SNX24: variants seen among roughly 807,000 people sequenced by gnomAD.
The protein encoded by SNX24 is sorting nexin 24, also known as sorting nexin-24.
A neutral mutation model predicts 28.7 loss-of-function variants in SNX24; 22 were observed. That is an observed-to-expected ratio of 0.77 (90% CI 0.55 to 1.10). The LOEUF is 1.10. Among genes scored for constraint, SNX24 ranks in the 50% least tolerant of loss-of-function variants. The pLI, the probability that SNX24 is intolerant of heterozygous loss-of-function variation, is 0.00. For missense variants in SNX24, 221 were observed against 201.1 expected (o/e 1.10, Z -0.60); for synonymous variants, 69 against 71.5 (o/e 0.96, Z 0.18).
chr5:122,898,008 CT>C (rs1233532890), intron 1 of SNX24, among the ~76,000 whole-genome samples: 4 of 152,142 alleles, frequency 2.6e-5, no homozygotes, highest in African/African-American at 9.7e-5. Context: ...AAAATGCTTT[CT>C]TCAGTTGAGC....
chr5:123,013,327 G>A (rs1762625170), downstream of SNX24, among the ~76,000 whole-genome samples: 1 of 152,174 alleles, frequency 6.6e-6, no homozygotes, highest in Admixed American at 6.5e-5. Flanking sequence ...TAATGAATTG[G>A]ACATAAAGTT....
At chr5:122,866,913 C>T (rs1330777730) in intron 1 of SNX24, among the ~76,000 whole-genome samples, 1 of 152,252 alleles carries the variant, frequency 6.6e-6, no homozygotes, top group East Asian at 1.9e-4. Flanking sequence ...GAACTATGAC[C>T]TCTAGGCCAG....
chr5:122,958,249 CAA>C (rs61574477), intron 3 of SNX24, among the ~76,000 whole-genome samples: 7 of 150,426 alleles, frequency 4.7e-5, no homozygotes, highest in Admixed American at 2.6e-4. Flanking sequence ...TTGAATTTTG[CAA>C]AAAAAAAATT....
intron 3 of SNX24, among the ~76,000 whole-genome samples, chr5:122,965,889 C>T (rs1319793340): frequency 6.6e-6 from 1 of 152,152 alleles, no homozygotes; most frequent in Non-Finnish European, 1.5e-5. Context: ...GATAAATAAG[C>T]TATCAAAGAG....
At chr5:123,003,796 G>C (rs1762328138) in intron 6 of SNX24, among the ~76,000 whole-genome samples, 1 of 152,164 alleles carries the variant, frequency 6.6e-6, no homozygotes, top group African/African-American at 2.4e-5. Context: ...TTGGTAGCAT[G>C]GTAATATGGA....
chr5:122,913,810 C>T (rs1285590431), intron 1 of SNX24, among the ~76,000 whole-genome samples: 1 of 152,194 alleles, frequency 6.6e-6, no homozygotes, highest in African/African-American at 2.4e-5. Flanking sequence ...TGCACTCCAA[C>T]CTGGGCACCA....
intron 3 of SNX24, among the ~76,000 whole-genome samples, chr5:122,954,973 C>T (rs1365518773): frequency 6.6e-6 from 1 of 152,068 alleles, no homozygotes. Context: ...CTTCTTCTTT[C>T]TCCTCTTATT....
chr5:123,000,107 G>A lies in SNX24; in HGVS notation c.344+101G>A, dbSNP rs531281406. The A allele has an allele frequency of 3.7e-6, 3 of 805,820 alleles. No homozygotes were observed. In the African/African-American group the frequency reaches 5.1e-5, roughly 14 times the overall value. 49.9% of individuals were successfully genotyped at this position (805,820 alleles called of 1,614,324 possible). On this transcript the variant is annotated intron_variant, in intron 4 of 6. Transcript: ENST00000261369. Reference sequence around the variant, plus strand: ...AGAGTGATGCCCGAGTAGCCTGCCGGCCACGCCCACTCTTTTGGCTTGCTG... The same window carrying A: ...AGAGTGATGCCCGAGTAGCCTGCCGACCACGCCCACTCTTTTGGCTTGCTG...
intron 1 of SNX24, among the ~76,000 whole-genome samples, chr5:122,911,507 C>A: frequency 6.6e-6 from 1 of 151,024 alleles, no homozygotes; most frequent in Admixed American, 6.6e-5. Flanking sequence ...GCTTTTGTTG[C>A]CATTGCTTTT....
intron 3 of SNX24, among the ~76,000 whole-genome samples, chr5:122,983,608 T>C (rs1160920250): frequency 6.6e-6 from 1 of 152,086 alleles, no homozygotes; most frequent in Non-Finnish European, 1.5e-5. Context: ...TAGTGAAAAA[T>C]TTTTGTTGTT....
intron 1 of SNX24, among the ~76,000 whole-genome samples, chr5:122,932,854 G>C (rs1759016990): frequency 1.7e-5 from 1 of 57,460 alleles, no homozygotes; most frequent in Non-Finnish European, 2.7e-5. Flanking sequence ...GCAAGACTCT[G>C]TCTCAAAAAA....
intron 3 of SNX24, among the ~76,000 whole-genome samples, chr5:122,985,232 C>T (rs996046134): frequency 6.6e-6 from 1 of 152,086 alleles, no homozygotes; most frequent in Non-Finnish European, 1.5e-5. Flanking sequence ...CACAGCATGA[C>T]CTTTCACCAG....
chr5:122,925,878 A>C (rs384483), intron 1 of SNX24, among the ~76,000 whole-genome samples: 117,131 of 152,088 alleles, frequency 0.77, 45,980 homozygotes, highest in East Asian at 0.99. Flanking sequence ...GGCAGTGAGG[A>C]TGTTAACAGT....
At chr5:123,015,026 T>C (rs143835957) in intron 5 of SNX24, among the ~76,000 whole-genome samples, 4 of 152,334 alleles carry the variant, frequency 2.6e-5, no homozygotes, top group Non-Finnish European at 5.9e-5. Flanking sequence ...TCCATACCAT[T>C]ATTCTATTGT....
At chr5:122,889,685 A>T (rs1483354096) in intron 1 of SNX24, among the ~76,000 whole-genome samples, 2 of 142,992 alleles carry the variant, frequency 1.4e-5, no homozygotes, top group South Asian at 2.2e-4. Context: ...GTGTATATAT[A>T]TGTATATGTA....
At chr5:122,959,450 G>T (rs1398025324) in intron 3 of SNX24, among the ~76,000 whole-genome samples, 2 of 151,424 alleles carry the variant, frequency 1.3e-5, no homozygotes, top group Non-Finnish European at 2.9e-5. Flanking sequence ...GCCAGTGCTG[G>T]TCTAGAACTC....
At chr5:122,861,397 A>G (rs183898035) in intron 1 of SNX24, among the ~76,000 whole-genome samples, 5 of 152,312 alleles carry the variant, frequency 3.3e-5, no homozygotes, top group Non-Finnish European at 5.9e-5. Flanking sequence ...CTACTTAGCT[A>G]GCACTGTAAC....
chr5:122,859,709 A>G (rs1472230302), intron 1 of SNX24, among the ~76,000 whole-genome samples: 2 of 152,234 alleles, frequency 1.3e-5, no homozygotes, highest in African/African-American at 4.8e-5. Context: ...TGACACAGCC[A>G]TCAGGAAGTC....
At chr5:123,025,299 C>T (rs407392) in intron 5 of SNX24, among the ~76,000 whole-genome samples, 35,126 of 152,092 alleles carry the variant, frequency 0.23, 5,190 homozygotes, top group Non-Finnish European at 0.34. Flanking sequence ...TTAAATACAA[C>T]ATCCCATTTA....
Sources: gnomAD v4.1 joint callset for allele counts (sites outside exome capture counted in the v4.1 genomes callset) on GRCh38, gnomAD v4.1.1 for gene constraint, MANE v1.5 for transcripts, NCBI Gene and HGNC (gene_info 2026-07-23, HGNC 2026-07-21) for gene names.